DSCAML1: variants seen among roughly 807,000 people sequenced by gnomAD.
The protein encoded by DSCAML1 is DS cell adhesion molecule like 1.
In DSCAML1, 38 loss-of-function variants were observed where a neutral mutation model predicts 200.5. The ratio of observed to expected loss-of-function variants is 0.19; its 90% CI spans 0.15 to 0.25. DSCAML1 has a LOEUF of 0.25. DSCAML1 is among the 10% of genes least tolerant of loss of function. DSCAML1 has a pLI of 1.00. For synonymous variants in DSCAML1, 1,215 were observed against 1,165.0 expected, an observed-to-expected ratio of 1.04 and a Z score of -0.87; for missense variants, 2,223 against 2,858.8, an observed-to-expected ratio of 0.78 and a Z score of 5.07.
intron 19 of DSCAML1, among the ~76,000 whole-genome samples, chr11:117,452,273 T>G (rs1246790435): frequency 1.3e-5 from 2 of 152,264 alleles, no homozygotes; most frequent in Admixed American, 1.3e-4. Context: ...AGTTTTTGTT[T>G]TTTATATTTT....
At chr11:117,692,083 G>A (rs185084169) in intron 3 of DSCAML1, among the ~76,000 whole-genome samples, 5 of 152,210 alleles carry the variant, frequency 3.3e-5, no homozygotes, top group African/African-American at 9.6e-5. Context: ...TGGGCCTAGC[G>A]GGGGTGTGAA....
intron 1 of DSCAML1, among the ~76,000 whole-genome samples, chr11:117,787,680 A>G (rs1446545929): frequency 6.6e-6 from 1 of 152,162 alleles, no homozygotes; most frequent in Non-Finnish European, 1.5e-5. Flanking sequence ...ACAAGACCCT[A>G]CCACCACATT....
intron 3 of DSCAML1, among the ~76,000 whole-genome samples, chr11:117,724,232 G>A (rs1565895827): frequency 1.3e-5 from 2 of 152,176 alleles, no homozygotes; most frequent in Non-Finnish European, 2.9e-5. Flanking sequence ...AATCACTCAG[G>A]GGCAGCATGC....
At chr11:117,634,129 G>C (rs938307944) in intron 3 of DSCAML1, among the ~76,000 whole-genome samples, 1 of 152,210 alleles carries the variant, frequency 6.6e-6, no homozygotes, top group African/African-American at 2.4e-5. Flanking sequence ...CCAGGGCAGA[G>C]GGGGACCGGA....
At chr11:117,640,811 CT>C (rs1379688352) in intron 3 of DSCAML1, among the ~76,000 whole-genome samples, 2 of 152,164 alleles carry the variant, frequency 1.3e-5, no homozygotes, top group Non-Finnish European at 2.9e-5. Flanking sequence ...TCAGTTTCCC[CT>C]GGCACAGCGT....
In DSCAML1 at chr11:117,780,909, C is replaced by T. The variant is rs893842460; in HGVS notation, c.47-99G>A. 12 of 957,634 alleles carry T rather than the reference C, an allele frequency of 1.3e-5. No homozygotes were observed. The highest frequency in any genetic ancestry group is 1.7e-5 in the Non-Finnish European group (12 of 703,380). 59.3% of individuals were successfully genotyped at this position (957,634 alleles called of 1,614,324 possible). A position where few individuals can be genotyped will look rare whatever the true frequency, so the allele number is the denominator to read the frequency against. On this transcript the variant is annotated intron_variant, in intron 1 of 32. Transcript: ENST00000651296. This position sits in a 1 kb window ranked among gnomAD's most constrained non-coding sequence, Gnocchi z 4.8. ...CGACAGGCTGCACTCATTCACCTGA[C>T]CTTCAAGCATCAGTCATTCAGTATG...
Position 117,480,660 on chromosome 11 carries a change from GTCTAGCCAAGGAC to G in DSCAML1, c.2657-102_2657-90del, listed in dbSNP as rs1265940423. 1.4e-6 allele frequency: 2 copies of G among 1,479,158 alleles called. No individual in the cohort carries two copies. The highest frequency in any genetic ancestry group is 2.8e-5 in the African/African-American group (2 of 71,778). 91.6% of individuals were successfully genotyped at this position (1,479,158 alleles called of 1,614,324 possible). A position where few individuals can be genotyped will look rare whatever the true frequency, so the allele number is the denominator to read the frequency against. ...GGCCCTGAGGATTGGCATCACCTGGGTCTAGCCAAGGACTCTGGCACCCTAGGGTTTGAGCAGG... is the reference window on the plus strand; with the variant it reads ...GGCCCTGAGGATTGGCATCACCTGGGTCTGGCACCCTAGGGTTTGAGCAGG... On this transcript the variant is annotated intron_variant, in intron 13 of 32. Coordinates refer to ENST00000651296, the MANE Select transcript of DSCAML1 (RefSeq NM_020693.4). This position sits in a 1 kb window ranked among gnomAD's most constrained non-coding sequence, Gnocchi z 4.1.
intron 3 of DSCAML1, among the ~76,000 whole-genome samples, chr11:117,649,259 G>C (rs2052581238): frequency 6.6e-6 from 1 of 152,022 alleles, no homozygotes. Context: ...TGTATTTTTA[G>C]TAGAGACGAG....
chr11:117,662,817 T>C (rs1272160309), intron 3 of DSCAML1, among the ~76,000 whole-genome samples: 1 of 152,220 alleles, frequency 6.6e-6, no homozygotes, highest in Admixed American at 6.5e-5. Context: ...ATGCAGATTC[T>C]TGGGCCCCAC....
intron 3 of DSCAML1, among the ~76,000 whole-genome samples, chr11:117,755,708 A>T (rs186333073): frequency 2.0e-5 from 3 of 152,214 alleles, no homozygotes; most frequent in Admixed American, 2.0e-4. Context: ...TTTCCTTTTG[A>T]TGGAGTCACA....
intron 4 of DSCAML1, among the ~76,000 whole-genome samples, chr11:117,526,028 G>A (rs1465870990): frequency 2.6e-5 from 4 of 152,184 alleles, no homozygotes; most frequent in East Asian, 1.9e-4. Context: ...CAGCAACTAC[G>A]AGACCTGTGG....
chr11:117,714,502 C>T (rs1006341004), intron 3 of DSCAML1, among the ~76,000 whole-genome samples: 14 of 152,028 alleles, frequency 9.2e-5, no homozygotes, highest in Admixed American at 2.0e-4. Context: ...CCATTACCCA[C>T]ATGAAGAAAA....
intron 1 of DSCAML1, among the ~76,000 whole-genome samples, chr11:117,793,445 C>T (rs1026536382): frequency 6.6e-6 from 1 of 152,160 alleles, no homozygotes; most frequent in Non-Finnish European, 1.5e-5. Context: ...ACAATTAAAT[C>T]ATCCTTCACC....
At chr11:117,544,345 A>C (rs1239155445) in intron 3 of DSCAML1, among the ~76,000 whole-genome samples, 1 of 152,212 alleles carries the variant, frequency 6.6e-6, no homozygotes, top group Admixed American at 6.5e-5. Context: ...AGTTCATAGG[A>C]CTAATGAGAT....
At chr11:117,515,610 CTTTTTTTTT>C (rs56765238) in intron 8 of DSCAML1, among the ~76,000 whole-genome samples, 4 of 65,122 alleles carry the variant, frequency 6.1e-5, no homozygotes, top group African/African-American at 3.4e-4. Flanking sequence ...AGGGACGAAG[CTTTTTTTTT>C]TTTTTTTTTT....
intron 1 of DSCAML1, among the ~76,000 whole-genome samples, chr11:117,816,806 T>G (rs55895406): frequency 0.63 from 89,918 of 142,540 alleles, 29,260 homozygotes; most frequent in East Asian, 0.75. Flanking sequence ...GCTGGGGGGG[T>G]GGGGTGGAGA....
intron 8 of DSCAML1, among the ~76,000 whole-genome samples, chr11:117,512,856 G>A (rs929007506): frequency 2.7e-5 from 4 of 149,618 alleles, no homozygotes; most frequent in African/African-American, 9.9e-5. Context: ...AGACACTGTC[G>A]CTCAGCACCA....
intron 19 of DSCAML1, among the ~76,000 whole-genome samples, chr11:117,457,036 C>T (rs1470400205): frequency 6.6e-6 from 1 of 152,192 alleles, no homozygotes; most frequent in Non-Finnish European, 1.5e-5. Flanking sequence ...TTTGCTAGTA[C>T]TTGACATTTT....
intron 3 of DSCAML1, among the ~76,000 whole-genome samples, chr11:117,617,155 G>A (rs930686488): frequency 6.6e-5 from 10 of 152,216 alleles, no homozygotes; most frequent in African/African-American, 2.2e-4. Flanking sequence ...AGGTTAGGTA[G>A]GCACTGAAAA....
Sources: gnomAD v4.1 joint callset for allele counts (sites outside exome capture counted in the v4.1 genomes callset) on GRCh38, gnomAD v4.1.1 for gene constraint, Gnocchi (gnomAD v3.1) non-coding constraint, MANE v1.5 for transcripts, NCBI Gene and HGNC (gene_info 2026-07-23, HGNC 2026-07-21) for gene names.